Variants in NKAIN3 observed in about 807,000 individuals in gnomAD.
NKAIN3 encodes sodium/potassium transporting ATPase interacting 3.
Under a neutral mutation model 30.2 loss-of-function variants are expected in NKAIN3, and 25 were observed. That is an observed-to-expected ratio of 0.83 (90% CI 0.60 to 1.16). The LOEUF (loss-of-function observed/expected upper bound fraction) is 1.16, where lower values mean the gene tolerates loss of function less well. NKAIN3 is among the 50% of genes most tolerant of loss of function. The pLI is 0.00. For missense variants in NKAIN3, 225 were observed against 254.1 expected (o/e 0.89, Z 0.78); for synonymous variants, 91 against 89.6 (o/e 1.02, Z -0.09).
intron 1 of NKAIN3, among the ~76,000 whole-genome samples, chr8:62,367,191 T>G (rs1440776548): frequency 2.0e-5 from 3 of 152,202 alleles, no homozygotes; most frequent in Non-Finnish European, 2.9e-5. Flanking sequence ...ATGTTCTGTG[T>G]GTATCTGTTA....
intron 5 of NKAIN3, among the ~76,000 whole-genome samples, chr8:62,947,539 C>T (rs1823159767): frequency 6.6e-6 from 1 of 152,226 alleles, no homozygotes; most frequent in African/African-American, 2.4e-5. Context: ...TCCTGTCTAA[C>T]TTCCCCATCA....
intron 3 of NKAIN3, among the ~76,000 whole-genome samples, chr8:62,647,705 T>C (rs1812509489): frequency 6.6e-6 from 1 of 152,098 alleles, no homozygotes; most frequent in Non-Finnish European, 1.5e-5. Context: ...AAAATAAAAA[T>C]TCAGTAGGGA....
chr8:62,504,629 T>A (rs1192779645), intron 1 of NKAIN3, among the ~76,000 whole-genome samples: 1 of 152,176 alleles, frequency 6.6e-6, no homozygotes, highest in South Asian at 2.1e-4. Flanking sequence ...TTTCCATAAA[T>A]GGAAAATCAA....
chr8:62,698,425 G>C (rs994023309), intron 3 of NKAIN3, among the ~76,000 whole-genome samples: 6 of 152,120 alleles, frequency 3.9e-5, no homozygotes, highest in Admixed American at 3.3e-4. Context: ...CTGCAGATTG[G>C]ATGCCAGAAT....
At chr8:62,763,672 G>A (rs1816745051) in intron 4 of NKAIN3, among the ~76,000 whole-genome samples, 1 of 152,146 alleles carries the variant, frequency 6.6e-6, no homozygotes, top group Non-Finnish European at 1.5e-5. Flanking sequence ...TGTGTTGTAA[G>A]GCTTGGCTAT....
intron 1 of NKAIN3, among the ~76,000 whole-genome samples, chr8:62,316,938 T>C (rs1814657651): frequency 6.6e-6 from 1 of 152,192 alleles, no homozygotes; most frequent in South Asian, 2.1e-4. Flanking sequence ...CCAGCACCTG[T>C]TGTTTCCTGA....
At chr8:62,925,285 C>T (rs570635920) in intron 5 of NKAIN3, among the ~76,000 whole-genome samples, 212 of 152,244 alleles carry the variant, frequency 1.4e-3, no homozygotes, top group African/African-American at 4.9e-3. Flanking sequence ...ATACAAAATA[C>T]ATAGTGGAGA....
At chr8:62,836,923 A>C (rs1819383971) in intron 4 of NKAIN3, among the ~76,000 whole-genome samples, 1 of 152,160 alleles carries the variant, frequency 6.6e-6, no homozygotes, top group South Asian at 2.1e-4. Context: ...ATTAAACAAA[A>C]AAAATGAGTT....
At chr8:62,315,683 T>A (rs1346614368) in intron 1 of NKAIN3, among the ~76,000 whole-genome samples, 1 of 152,198 alleles carries the variant, frequency 6.6e-6, no homozygotes, top group Admixed American at 6.6e-5. Flanking sequence ...AAAAATGAGT[T>A]GTTTTACCTG....
At chr8:62,377,248 T>TAC (rs1437450552) in intron 1 of NKAIN3, among the ~76,000 whole-genome samples, 1 of 152,174 alleles carries the variant, frequency 6.6e-6, no homozygotes, top group African/African-American at 2.4e-5. Flanking sequence ...TTGTATCTAC[T>TAC]ACACACACAC....
chr8:62,647,346 C>A (rs1213326550), intron 3 of NKAIN3, among the ~76,000 whole-genome samples: 1 of 152,168 alleles, frequency 6.6e-6, no homozygotes, highest in Non-Finnish European at 1.5e-5. Flanking sequence ...TAAAGTTGTT[C>A]ATCCATTAGG....
intron 1 of NKAIN3, chr8:62,483,068 C>T (rs999480663): frequency 1.3e-5 from 2 of 152,222 alleles, no homozygotes; most frequent in African/African-American, 4.8e-5. Context: ...CTCGGCTAAA[C>T]ACAACTTGAA....
At chr8:62,645,131 G>A (rs1812422545) in intron 3 of NKAIN3, among the ~76,000 whole-genome samples, 1 of 152,100 alleles carries the variant, frequency 6.6e-6, no homozygotes, top group African/African-American at 2.4e-5. Flanking sequence ...GGGAGGTGGA[G>A]CCAAAGAGTG....
At position 62,969,537 on chromosome 8, in the gene NKAIN3, T is replaced by C. The variant is rs12056419; in HGVS notation, c.*4130T>C. Among the ~76,000 whole-genome samples, 27,782 of 152,206 alleles carry C rather than the reference T, an allele frequency of 0.18. 2,695 individuals are homozygous for C. The highest frequency in any genetic ancestry group is 0.29 in the East Asian group (1,520 of 5,166). On this transcript the variant is annotated 3_prime_UTR_variant, in exon 7 of 7. Transcript: ENST00000623646. The stretch of plus-strand genomic sequence containing the variant: ...GGCTAATCATTTTTTAAGCAAATCC[T>C]CACTTACTTTTTCTGAGTCACTTTA...
In NKAIN3 at chr8:62,830,907, G is replaced by C. The variant is rs763112192; in HGVS notation, c.471+83778G>C. Among the ~76,000 whole-genome samples the C allele has an allele frequency of 2.0e-5, 3 of 152,282 alleles. No homozygotes were observed. In the East Asian group the frequency reaches 5.8e-4, roughly 29 times the overall value. ...CTGCCATTGGTGGACCTGCAAGCAG[G>C]CCTGCCTGTTTCAGTCCCACCCATC... is the stretch of plus-strand genomic sequence containing the variant. On this transcript the variant is annotated intron_variant, in intron 4 of 6. Transcript: ENST00000623646.
intron 3 of NKAIN3, among the ~76,000 whole-genome samples, chr8:62,739,364 A>G (rs146025444): frequency 3.1e-4 from 47 of 152,292 alleles, no homozygotes; most frequent in African/African-American, 1.1e-3. Flanking sequence ...AACTTTTTGT[A>G]TAGCATTAAT....
intron 1 of NKAIN3, among the ~76,000 whole-genome samples, chr8:62,543,918 A>T (rs1470570078): frequency 6.6e-6 from 1 of 152,116 alleles, no homozygotes; most frequent in Admixed American, 6.6e-5. Context: ...AAAATTTTTA[A>T]CTGGAGTAAA....
chr8:62,793,538 G>T (rs1429794978), intron 4 of NKAIN3, among the ~76,000 whole-genome samples: 1 of 152,066 alleles, frequency 6.6e-6, no homozygotes, highest in Non-Finnish European at 1.5e-5. Flanking sequence ...CAGTTTATGA[G>T]CTGGTTGTCC....
intron 2 of NKAIN3, among the ~76,000 whole-genome samples, chr8:62,582,392 G>A (rs1407385644): frequency 1.3e-5 from 2 of 152,066 alleles, no homozygotes; most frequent in Admixed American, 6.6e-5. Context: ...TCAAACAATT[G>A]TCCACATAAA....
Sources: gnomAD v4.1 joint callset for allele counts (sites outside exome capture counted in the v4.1 genomes callset) on GRCh38, gnomAD v4.1.1 for gene constraint, MANE v1.5 for transcripts, NCBI Gene and HGNC (gene_info 2026-07-23, HGNC 2026-07-21) for gene names.